Variants in FBXL2 observed in about 807,000 individuals in gnomAD.
FBXL2 encodes F-box/LRR-repeat protein 2.
FBXL2 carries 38 observed loss-of-function variants against 69.2 expected under a neutral mutation model. The ratio of observed to expected loss-of-function variants is 0.55; its 90% CI spans 0.42 to 0.72. The LOEUF is 0.72. Ranked by LOEUF, FBXL2 falls within the 30% of genes least tolerant of loss-of-function variation. The probability of loss-of-function intolerance (pLI) is 0.00; values close to 1 mark genes in which losing one functional copy is unlikely to be tolerated. For missense variants in FBXL2, 354 were observed against 520.3 expected (o/e 0.68, Z 3.11); for synonymous variants, 192 against 201.3 (o/e 0.95, Z 0.39).
At chr3:33,321,089 T>G (rs747625530) in intron 2 of FBXL2, among the ~76,000 whole-genome samples, 29 of 151,828 alleles carry the variant, frequency 1.9e-4, no homozygotes, top group Middle Eastern at 3.4e-3. Flanking sequence ...GCAGATGGAT[T>G]GCTTGAGGTC....
chr3:33,378,161 T>C lies in FBXL2; in HGVS notation c.894+14T>C. On this transcript the variant is annotated intron_variant, in intron 12 of 14. Transcript: ENST00000484457. Reference sequence around the variant, plus strand: ...GAATGCATCCTGGTGAGTGGACTCCTGACAGCCCTGCAGGGCAGCCTGCTC... The same window carrying C: ...GAATGCATCCTGGTGAGTGGACTCCCGACAGCCCTGCAGGGCAGCCTGCTC... 3 of 1,613,796 alleles carry C rather than the reference T, an allele frequency of 1.9e-6. No homozygotes were observed. The highest frequency in any genetic ancestry group is 2.2e-5 in the East Asian group (1 of 44,874).
chr3:33,315,371 T>C (rs1267461893), intron 2 of FBXL2, among the ~76,000 whole-genome samples: 1 of 151,636 alleles, frequency 6.6e-6, no homozygotes, highest in Non-Finnish European at 1.5e-5. Flanking sequence ...AAATATGATA[T>C]GGTGTCACTT....
intron 5 of FBXL2, among the ~76,000 whole-genome samples, chr3:33,370,414 T>C (rs2042219975): frequency 1.1e-5 from 1 of 94,744 alleles, no homozygotes; most frequent in Non-Finnish European, 2.0e-5. Context: ...CGAGACTCCG[T>C]CTCAAAAAAA....
intron 5 of FBXL2, chr3:33,372,733 A>T (rs2042373425): frequency 5.7e-6 from 2 of 352,822 alleles, no homozygotes; most frequent in Non-Finnish European, 1.0e-5. Flanking sequence ...GTTCAAATTG[A>T]TTTTTTTGTA....
At chr3:33,292,292 A>G (rs1222593094) in intron 1 of FBXL2, among the ~76,000 whole-genome samples, 1 of 152,080 alleles carries the variant, frequency 6.6e-6, no homozygotes, top group Non-Finnish European at 1.5e-5. Flanking sequence ...AGGTGGGAGG[A>G]TCATTGAGCC....
chr3:33,385,111 C>G (rs567047953), intron 14 of FBXL2, among the ~76,000 whole-genome samples: 1 of 152,136 alleles, frequency 6.6e-6, no homozygotes, highest in African/African-American at 2.4e-5. Flanking sequence ...GGCTAATTTC[C>G]AGGTAAGAGA....
chr3:33,316,576 A>G (rs1472813283), intron 2 of FBXL2, among the ~76,000 whole-genome samples: 1 of 152,134 alleles, frequency 6.6e-6, no homozygotes, highest in African/African-American at 2.4e-5. Flanking sequence ...TTCTCACATT[A>G]GCTACCTGTG....
chr3:33,302,974 C>T (rs2036414001), intron 2 of FBXL2: 13 of 431,088 alleles, frequency 3.0e-5, no homozygotes, highest in South Asian at 2.2e-4. Flanking sequence ...AAGATATAGC[C>T]CAGTGCTTAT....
intron 12 of FBXL2, chr3:33,402,777 C>T: frequency 3.4e-6 from 5 of 1,480,106 alleles, no homozygotes; most frequent in Non-Finnish European, 4.5e-6. Flanking sequence ...TAGCTGCAGG[C>T]ACACGATCAC....
chr3:33,287,650 CATT>C (rs2034787466), intron 1 of FBXL2, among the ~76,000 whole-genome samples: 1 of 152,112 alleles, frequency 6.6e-6, no homozygotes, highest in African/African-American at 2.4e-5. Flanking sequence ...CTGAGTTTGA[CATT>C]ATTCCCATTT....
chr3:33,285,397 T>C (rs7429372), intron 1 of FBXL2, among the ~76,000 whole-genome samples: 15,250 of 152,264 alleles, frequency 0.1, 792 homozygotes, highest in African/African-American at 0.12. Context: ...GTAGAGTTTC[T>C]GCCAAGAGAT....
intron 2 of FBXL2, among the ~76,000 whole-genome samples, chr3:33,346,142 G>A (rs1559579437): frequency 1.3e-5 from 2 of 152,030 alleles, no homozygotes; most frequent in Non-Finnish European, 1.5e-5. Flanking sequence ...CAGGAGAATC[G>A]CTTAACCTGG....
At chr3:33,414,919 T>A in the FBXL2 span, among the ~76,000 whole-genome samples, 1 of 152,222 alleles carries the variant, frequency 6.6e-6, no homozygotes, top group Non-Finnish European at 1.5e-5. Context: ...AGCAAAACAT[T>A]CACTGTGCAT....
In FBXL2 at chr3:33,297,644, CT is replaced by C. The variant is rs374976671; in HGVS notation, c.4-9del. 0.043 allele frequency: 43,972 copies of C among 1,030,692 alleles called. 49 individuals carry two copies. Among genetic ancestry groups the C allele is most frequent in the Admixed American group, 0.044 (1,641 of 37,020 alleles). The allele number at this position is 1,030,692 out of a possible 1,614,324, so 63.8% of individuals were successfully genotyped here. On this transcript the variant is annotated intron_variant, in intron 1 of 14. Transcript: ENST00000484457. ...GATTAAAGAACATTTTCACAATTTC[CT>C]TTTTTTTTTTCTTTCCAGGTTTTCT...
At chr3:33,353,695 C>A (rs1168785906) in intron 2 of FBXL2, among the ~76,000 whole-genome samples, 1 of 152,172 alleles carries the variant, frequency 6.6e-6, no homozygotes, top group Non-Finnish European at 1.5e-5. Flanking sequence ...TCAAGACCAA[C>A]CTGGACAACA....
chr3:33,385,480 C>G (rs374837542), intron 14 of FBXL2, 21 bp from the exon 15 acceptor site: 7 of 1,604,406 alleles, frequency 4.4e-6, no homozygotes, highest in Admixed American at 1.7e-5. Context: ...AAAGACTCCA[C>G]TTTTTTCTTC....
downstream of FBXL2, chr3:33,390,168 G>A: frequency 1.5e-6 from 1 of 668,162 alleles, no homozygotes; most frequent in Non-Finnish European, 2.6e-6. Context: ...GTGACAGTGA[G>A]GAGATTCACC....
intron 1 of FBXL2, among the ~76,000 whole-genome samples, chr3:33,286,657 A>C (rs1346271968): frequency 6.6e-6 from 1 of 152,220 alleles, no homozygotes; most frequent in African/African-American, 2.4e-5. Flanking sequence ...AGAGGCGGGC[A>C]GGCCTCCTTG....
At chr3:33,342,902 T>TG (rs1436532566) in intron 2 of FBXL2, among the ~76,000 whole-genome samples, 33 of 143,786 alleles carry the variant, frequency 2.3e-4, no homozygotes, top group African/African-American at 8.3e-4. Context: ...TGTTTTTTTT[T>TG]TTTTTTTTTT....
Sources: allele counts gnomAD v4.1 joint callset (sites outside exome capture counted in the v4.1 genomes callset), GRCh38; gene constraint gnomAD v4.1.1; transcripts MANE v1.5; gene names NCBI Gene and HGNC (gene_info 2026-07-23, HGNC 2026-07-21).